ABI1: variants seen among roughly 807,000 people sequenced by gnomAD.
ABI1 encodes Abelson interactor 1.
In ABI1, 14 loss-of-function variants were observed where a neutral mutation model predicts 54.6. The ratio of observed to expected loss-of-function variants is 0.26; its 90% CI spans 0.17 to 0.40. The LOEUF (loss-of-function observed/expected upper bound fraction) is 0.40, where lower values mean the gene tolerates loss of function less well. ABI1 is among the 10% of genes least tolerant of loss of function. ABI1 has a pLI of 1.00. For synonymous variants in ABI1, 194 were observed against 209.3 expected (o/e 0.93, Z 0.63); for missense variants, 443 against 598.3 (o/e 0.74, Z 2.71).
intron 4 of ABI1, among the ~76,000 whole-genome samples, chr10:26,770,715 C>T (rs976723579): frequency 9.2e-5 from 14 of 152,116 alleles, no homozygotes; most frequent in Admixed American, 3.3e-4. Flanking sequence ...TGCTCAAATA[C>T]GCATCTGAAA....
chr10:26,839,698 C>T (rs139569005), intron 1 of ABI1: 1 of 691,148 alleles, frequency 1.4e-6, no homozygotes, highest in Admixed American at 2.1e-5. Context: ...CACCTGTAAT[C>T]CCAATGCGTT....
At chr10:26,811,202 G>A (rs1043921588) in intron 2 of ABI1, among the ~76,000 whole-genome samples, 1 of 152,072 alleles carries the variant, frequency 6.6e-6, no homozygotes, top group African/African-American at 2.4e-5. Flanking sequence ...GTTTATCAAT[G>A]TAATAATTAA....
intron 1 of ABI1, 48 bp from the exon 2 acceptor site, chr10:26,823,353 T>C (rs369484302): frequency 2.2e-6 from 3 of 1,354,938 alleles, no homozygotes; most frequent in East Asian, 2.8e-5. Flanking sequence ...TTAACATTCA[T>C]TAAATATATA....
intron 2 of ABI1, among the ~76,000 whole-genome samples, chr10:26,798,627 T>C (rs1178654765): frequency 1.3e-5 from 2 of 151,778 alleles, no homozygotes; most frequent in South Asian, 2.1e-4. Flanking sequence ...GCCACTAAAT[T>C]TGCGGTGATT....
chr10:26,756,111 C>A (rs1020710745), intron 8 of ABI1, among the ~76,000 whole-genome samples: 10 of 152,196 alleles, frequency 6.6e-5, no homozygotes, highest in South Asian at 6.2e-4. Flanking sequence ...CAATGAAATA[C>A]CTACATAGGT....
chr10:26,778,834 G>C (rs956394891), intron 2 of ABI1, among the ~76,000 whole-genome samples: 1 of 152,136 alleles, frequency 6.6e-6, no homozygotes, highest in Non-Finnish European at 1.5e-5. Context: ...CCAGGAGAAA[G>C]GTTTTCTGCC....
At chr10:26,834,090 C>T (rs1419019388) in intron 1 of ABI1, among the ~76,000 whole-genome samples, 1 of 151,844 alleles carries the variant, frequency 6.6e-6, no homozygotes, top group African/African-American at 2.4e-5. Flanking sequence ...ATTAGCCGGG[C>T]GTGGTGGTAC....
At chr10:26,843,297 T>C (rs1464376184) in intron 1 of ABI1, among the ~76,000 whole-genome samples, 13 of 149,536 alleles carry the variant, frequency 8.7e-5, no homozygotes, top group Admixed American at 6.7e-4. Context: ...CACTAAAAAA[T>C]ACAAAATTAG....
chr10:26,761,661 T>TATACACACAC (rs1375832167), intron 7 of ABI1, among the ~76,000 whole-genome samples: 34 of 78,914 alleles, frequency 4.3e-4, no homozygotes, highest in Admixed American at 5.9e-4. Flanking sequence ...TATATATATA[T>TATACACACAC]ACACACACAC....
At chr10:26,826,310 A>G (rs928964833) in intron 1 of ABI1, among the ~76,000 whole-genome samples, 13 of 152,230 alleles carry the variant, frequency 8.5e-5, no homozygotes, top group Non-Finnish European at 1.6e-4. Flanking sequence ...ATGAGCAGTA[A>G]TATTTTGAAT....
chr10:26,753,138 C>T (rs1837844358), intron 9 of ABI1, among the ~76,000 whole-genome samples: 1 of 152,140 alleles, frequency 6.6e-6, no homozygotes, highest in Admixed American at 6.6e-5. Flanking sequence ...ATAACCACTT[C>T]AATGCTGTGA....
chr10:26,780,629 C>T (rs1337515016), intron 2 of ABI1, among the ~76,000 whole-genome samples: 2 of 152,184 alleles, frequency 1.3e-5, no homozygotes, highest in Non-Finnish European at 2.9e-5. Context: ...TCCCTCATCC[C>T]TCAACCTCAG....
chr10:26,798,844 C>A (rs906161522), intron 2 of ABI1, among the ~76,000 whole-genome samples: 4 of 151,544 alleles, frequency 2.6e-5, no homozygotes, highest in Non-Finnish European at 5.9e-5. Flanking sequence ...GCACAGAGAT[C>A]TCAACACATG....
chr10:26,771,498 T>A (rs1249761276), intron 3 of ABI1, among the ~76,000 whole-genome samples: 2 of 152,326 alleles, frequency 1.3e-5, no homozygotes, highest in Middle Eastern at 6.8e-3. Context: ...CTTTACTGGA[T>A]AATGAATGTC....
intron 7 of ABI1, chr10:26,763,994 C>T (rs1203545977): frequency 1.3e-6 from 2 of 1,528,860 alleles, no homozygotes; most frequent in Non-Finnish European, 1.8e-6. Flanking sequence ...GGTCAGAGTA[C>T]AAGAAAAGAA....
intron 3 of ABI1, among the ~76,000 whole-genome samples, chr10:26,775,071 ATAAACT>A (rs544339975): frequency 2.7e-3 from 414 of 152,294 alleles, no homozygotes; most frequent in African/African-American, 9.1e-3. Context: ...TAATTTTAAA[ATAAACT>A]TAAACTTTTC....
chr10:26,817,864 A>C (rs1456979508), intron 2 of ABI1, among the ~76,000 whole-genome samples: 1 of 152,062 alleles, frequency 6.6e-6, no homozygotes, highest in African/African-American at 2.4e-5. Flanking sequence ...TGGGCTATAA[A>C]ACAATTCCTG....
chr10:26,845,074 A>G (rs747402789), intron 1 of ABI1, among the ~76,000 whole-genome samples: 9 of 152,110 alleles, frequency 5.9e-5, no homozygotes, highest in Non-Finnish European at 1.3e-4. Context: ...GAGAAGAAGA[A>G]GAGACATTTT....
chr10:26,755,278 CCTAT>C (rs1838159846), intron 9 of ABI1, among the ~76,000 whole-genome samples: 1 of 152,240 alleles, frequency 6.6e-6, no homozygotes, highest in African/African-American at 2.4e-5. Flanking sequence ...AGTATATCTA[CCTAT>C]CTCTTGATAA....
Sources: allele counts gnomAD v4.1 joint callset (sites outside exome capture counted in the v4.1 genomes callset), GRCh38; gene constraint gnomAD v4.1.1; transcripts MANE v1.5; gene names NCBI Gene and HGNC (gene_info 2026-07-23, HGNC 2026-07-21).